CDKAL1: variants seen among roughly 807,000 people sequenced by gnomAD.
CDKAL1 encodes threonylcarbamoyladenosine tRNA methylthiotransferase.
A neutral mutation model predicts 68.2 loss-of-function variants in CDKAL1; 32 were observed. That is an observed-to-expected ratio of 0.47 (90% CI 0.35 to 0.63). The LOEUF is 0.63. Among genes scored for constraint, CDKAL1 ranks in the 30% least tolerant of loss-of-function variants. CDKAL1 has a pLI of 0.00. For synonymous variants in CDKAL1, 234 were observed against 244.3 expected (o/e 0.96, Z 0.39); for missense variants, 606 against 696.7 (o/e 0.87, Z 1.47).
At chr6:20,905,840 C>G (rs1762207456) in intron 9 of CDKAL1, among the ~76,000 whole-genome samples, 1 of 152,034 alleles carries the variant, frequency 6.6e-6, no homozygotes, top group Non-Finnish European at 1.5e-5. Context: ...GCCAAAGAAC[C>G]TATATCTAAC....
chr6:21,105,945 C>T (rs1222326810), intron 12 of CDKAL1, among the ~76,000 whole-genome samples: 1 of 152,136 alleles, frequency 6.6e-6, no homozygotes, highest in Non-Finnish European at 1.5e-5. Context: ...ACATTCTAAC[C>T]TTTAAATAGA....
At chr6:20,996,671 A>G (rs752588308) in intron 10 of CDKAL1, among the ~76,000 whole-genome samples, 1 of 152,220 alleles carries the variant, frequency 6.6e-6, no homozygotes, top group Non-Finnish European at 1.5e-5. Context: ...AGATACAGTA[A>G]TAATTTAAAA....
chr6:21,120,351 AT>A, intron 13 of CDKAL1, among the ~76,000 whole-genome samples: 3 of 152,342 alleles, frequency 2.0e-5, no homozygotes, highest in East Asian at 3.9e-4. Context: ...CAGGGCTAAA[AT>A]CCAGTCTTTT....
chr6:20,560,818 GTT>G (rs558222359), intron 4 of CDKAL1, among the ~76,000 whole-genome samples: 83 of 152,008 alleles, frequency 5.5e-4, no homozygotes, highest in Non-Finnish European at 7.6e-4. Context: ...TCAAATTTGA[GTT>G]TCTAAGGACT....
intron 12 of CDKAL1, among the ~76,000 whole-genome samples, chr6:21,090,296 A>T (rs980026918): frequency 3.3e-5 from 5 of 152,204 alleles, no homozygotes; most frequent in African/African-American, 1.2e-4. Context: ...TCTAATCTTC[A>T]TGGCATTCCT....
At chr6:21,015,289 G>GT (rs1165132869) in intron 11 of CDKAL1, among the ~76,000 whole-genome samples, 3 of 152,084 alleles carry the variant, frequency 2.0e-5, no homozygotes, top group Non-Finnish European at 2.9e-5. Flanking sequence ...TGAAATCAGT[G>GT]TTTTTTTGTT....
rs1763087293 is a variant in CDKAL1, at chr6:20,534,481, G to C, written c.-143G>C. On this transcript the variant is annotated 5_prime_UTR_variant, in exon 1 of 16. Coordinates refer to ENST00000274695, the MANE Select transcript of CDKAL1 (RefSeq NM_017774.3). ...CAAATAAACGTGGCGGGACGTATGT[G>C]TCATGGCGCTCTCCATCTAAAGTCT... 1 of 152,792 alleles carries C rather than the reference G, an allele frequency of 6.5e-6. No individual in the cohort carries two copies. Among genetic ancestry groups the C allele is most frequent in the Non-Finnish European group, 1.5e-5 (1 of 68,066 alleles). The allele number at this position is 152,792 out of a possible 1,614,324, so 9.5% of individuals were successfully genotyped here.
chr6:20,745,156 T>G (rs1007846120), intron 6 of CDKAL1, among the ~76,000 whole-genome samples: 3 of 152,218 alleles, frequency 2.0e-5, no homozygotes, highest in African/African-American at 7.2e-5. Context: ...TTGCAGTGGT[T>G]AAACATCTTT....
chr6:21,010,252 A>C (rs575976974), intron 11 of CDKAL1, among the ~76,000 whole-genome samples: 1 of 152,358 alleles, frequency 6.6e-6, no homozygotes, highest in South Asian at 2.1e-4. Flanking sequence ...ATAAAACTGC[A>C]GAGTTTCTTA....
At chr6:20,538,591 A>C (rs1763268234) in intron 2 of CDKAL1, among the ~76,000 whole-genome samples, 1 of 152,152 alleles carries the variant, frequency 6.6e-6, no homozygotes, top group Non-Finnish European at 1.5e-5. Context: ...ATCCATACAC[A>C]CTTGTATATG....
In CDKAL1 at chr6:21,116,139, G is replaced by A. The variant is rs189349939; in HGVS notation, c.1299+7676G>A. ...TTTTTTCCTTTGCCTTTTTAAGATG[G>A]CATTATTCTAAAAATTAAGCATGAT... On this transcript the variant is annotated intron_variant, in intron 13 of 15. Transcript: ENST00000274695. 3.3e-5 allele frequency among the ~76,000 whole-genome samples: 5 copies of A among 152,122 alleles called. No homozygotes were observed. In the East Asian group the frequency reaches 7.7e-4, roughly 23 times the overall value.
chr6:20,710,425 A>G (rs977236310), intron 5 of CDKAL1, among the ~76,000 whole-genome samples: 1 of 152,184 alleles, frequency 6.6e-6, no homozygotes, highest in African/African-American at 2.4e-5. Flanking sequence ...AGGCTACACT[A>G]TATAGTCTAG....
chr6:21,015,394 C>A (rs755388234), intron 11 of CDKAL1, among the ~76,000 whole-genome samples: 14 of 152,232 alleles, frequency 9.2e-5, no homozygotes, highest in Middle Eastern at 3.4e-3. Flanking sequence ...GACCAAGCAT[C>A]GACTTTTTTA....
chr6:20,802,149 T>G (rs113355641), intron 8 of CDKAL1, among the ~76,000 whole-genome samples: 75 of 151,680 alleles, frequency 4.9e-4, no homozygotes, highest in African/African-American at 1.6e-3. Flanking sequence ...AATACAAAAA[T>G]TAGCTGGGTA....
intron 5 of CDKAL1, among the ~76,000 whole-genome samples, chr6:20,672,227 CTTTTCTTTCTCTT>C (rs1769856479): frequency 2.3e-5 from 3 of 131,158 alleles, no homozygotes; most frequent in Admixed American, 1.7e-4. Flanking sequence ...TCCTTTCTTT[CTTTTCTTTCTCTT>C]TCTTTCTTTC....
chr6:20,833,832 T>C (rs1163684938), intron 8 of CDKAL1, among the ~76,000 whole-genome samples: 1 of 152,152 alleles, frequency 6.6e-6, no homozygotes, highest in South Asian at 2.1e-4. Flanking sequence ...TCATTTCCAG[T>C]AGCTCTCTCT....
At chr6:20,812,942 T>C (rs576489989) in intron 8 of CDKAL1, among the ~76,000 whole-genome samples, 5 of 152,310 alleles carry the variant, frequency 3.3e-5, no homozygotes, top group African/African-American at 9.6e-5. Context: ...CACTAGCAGT[T>C]TTTGAGCGGT....
At chr6:20,742,762 AATTT>A (rs1432526702) in intron 6 of CDKAL1, among the ~76,000 whole-genome samples, 1 of 152,012 alleles carries the variant, frequency 6.6e-6, no homozygotes, top group East Asian at 1.9e-4. Context: ...TCAGAGGTGT[AATTT>A]AATTATATGT....
chr6:20,536,482 G>T (rs1474201736), intron 2 of CDKAL1, among the ~76,000 whole-genome samples: 1 of 151,716 alleles, frequency 6.6e-6, no homozygotes, highest in African/African-American at 2.4e-5. Context: ...AGTTATCCCA[G>T]TGTCATTTGT....
Sources: gnomAD v4.1 joint callset for allele counts (sites outside exome capture counted in the v4.1 genomes callset) on GRCh38, gnomAD v4.1.1 for gene constraint, MANE v1.5 for transcripts, NCBI Gene and HGNC (gene_info 2026-07-23, HGNC 2026-07-21) for gene names.